Variants in RCOR1 observed in about 807,000 individuals in gnomAD.
RCOR1 encodes the protein REST corepressor.
A neutral mutation model predicts 64.0 loss-of-function variants in RCOR1; 12 were observed. The observed-to-expected ratio is 0.19, with a 90% CI of 0.12 to 0.30. RCOR1 has a LOEUF of 0.30. Among genes scored for constraint, RCOR1 ranks in the 10% least tolerant of loss-of-function variants. The pLI, the probability that RCOR1 is intolerant of heterozygous loss-of-function variation, is 1.00. For missense variants in RCOR1, 502 were observed against 621.2 expected, an observed-to-expected ratio of 0.81 and a Z score of 2.04; for synonymous variants, 279 against 227.2, an observed-to-expected ratio of 1.23 and a Z score of -2.05.
chr14:102,625,793 G>A lies in RCOR1; in HGVS notation c.361+32468G>A, dbSNP rs540520892. On this transcript the variant is annotated intron_variant, in intron 2 of 11. Transcript: ENST00000262241. ...GGAAGTAGGTAGTTTCTACCTTTCT[G>A]TTACGTAGTCTAGTATAATTTCTGT... is the stretch of plus-strand genomic sequence containing the variant. Among the ~76,000 whole-genome samples the A allele has an allele frequency of 1.2e-4, 19 of 152,242 alleles. No homozygotes were observed. The South Asian group carries it at 3.7e-3, about 30-fold the overall frequency.
chr14:102,690,692 C>T (rs917642099), intron 3 of RCOR1, among the ~76,000 whole-genome samples: 4 of 152,200 alleles, frequency 2.6e-5, no homozygotes, highest in African/African-American at 7.2e-5. Flanking sequence ...GTCACTATAT[C>T]AGAGAAGCCT....
chr14:102,609,799 T>G (rs1399578073), intron 2 of RCOR1, among the ~76,000 whole-genome samples: 4 of 151,640 alleles, frequency 2.6e-5, no homozygotes, highest in Non-Finnish European at 5.9e-5. Flanking sequence ...GATCCTTCCC[T>G]GTGGTGGAGG....
At position 102,728,341 on chromosome 14, in the gene RCOR1, C is replaced by CA. The variant is rs1555362069; in HGVS notation, c.*1839dup. 6.6e-6 allele frequency: 1 copy of CA among 151,950 alleles called. No homozygotes were observed. Among genetic ancestry groups the CA allele is most frequent in the Non-Finnish European group, 1.5e-5 (1 of 68,016 alleles). 9.4% of individuals were successfully genotyped at this position (151,950 alleles called of 1,614,324 possible). On this transcript the variant is annotated 3_prime_UTR_variant, in exon 12 of 12. Transcript: ENST00000262241. ...TGCTGCTACCTGGAGACAGGGTTAG[C>CA]AAAATAACACTAGTGATGAGGGAGA...
Position 102,722,297 on chromosome 14 carries a change from G to C in RCOR1, c.1300G>C (p.Asp434His), listed in dbSNP as rs1343793849. Residue 434 changes from aspartate to histidine, a missense_variant, in exon 11 of 12, where the codon GAT (aspartate) becomes CAT (histidine). Asp to His is a moderately conservative substitution (Grantham distance 81). Transcript: ENST00000262241. Reference sequence around the variant, plus strand: ...AAATTATCGACGCCGCTTCAACATAGATGAAGTTTTACAAGAATGGGAGGC... The same window carrying C: ...AAATTATCGACGCCGCTTCAACATACATGAAGTTTTACAAGAATGGGAGGC... ...FVNYRRRFNI[D>H]EVLQEWEAEH... The C allele has an allele frequency of 6.2e-7, 1 of 1,614,166 alleles. No individual in the cohort carries two copies. Among genetic ancestry groups the C allele is most frequent in the Non-Finnish European group, 8.5e-7 (1 of 1,180,020 alleles).
intron 3 of RCOR1, among the ~76,000 whole-genome samples, chr14:102,698,344 A>G (rs8010455): frequency 0.2 from 29,739 of 152,204 alleles, 3,173 homozygotes; most frequent in East Asian, 0.38. Flanking sequence ...CCCAAGAACC[A>G]CAGGCAGGAC....
intron 2 of RCOR1, among the ~76,000 whole-genome samples, chr14:102,674,666 G>A (rs1038942417): frequency 6.6e-6 from 1 of 152,212 alleles, no homozygotes; most frequent in South Asian, 2.1e-4. Context: ...CTAGCCGTGT[G>A]AATAAACCTT....
At chr14:102,707,206 G>A (rs1895875352) in intron 4 of RCOR1, 145 bp from the exon 5 acceptor site, 5 of 562,582 alleles carry the variant, frequency 8.9e-6, no homozygotes, top group Admixed American at 7.2e-5. Context: ...AGAAAAAGGG[G>A]CCTCTGACAG....
rs375657741 is a variant in RCOR1, at chr14:102,597,124, C to T, written c.361+3799C>T. Among the ~76,000 whole-genome samples, 10 of 144,696 alleles carry T rather than the reference C, an allele frequency of 6.9e-5. No individual in the cohort carries two copies. The East Asian group carries it at 1.7e-3, about 24-fold the overall frequency. The allele number at this position is 144,696 out of a possible 152,430, so 94.9% of individuals were successfully genotyped here. ...CTGACCTCAGGTGATCTGCCCCCCT[C>T]GGCCTCCCAAAGTGCTGGGATTACA... On this transcript the variant is annotated intron_variant, in intron 2 of 11. Coordinates refer to ENST00000262241, the MANE Select transcript of RCOR1 (RefSeq NM_015156.4).
intron 2 of RCOR1, among the ~76,000 whole-genome samples, chr14:102,615,151 T>TTTTTTTGG (rs1893731448): frequency 7.1e-6 from 1 of 140,392 alleles, no homozygotes; most frequent in Non-Finnish European, 1.6e-5. Flanking sequence ...CACCTTTTTT[T>TTTTTTTGG]GAGACAGAGT....
At chr14:102,640,712 C>T (rs541267333) in intron 2 of RCOR1, among the ~76,000 whole-genome samples, 6 of 152,338 alleles carry the variant, frequency 3.9e-5, no homozygotes, top group East Asian at 1.9e-4. Flanking sequence ...CGTTGGCTCA[C>T]GCCTGTAATT....
chr14:102,596,104 A>AT lies in RCOR1; in HGVS notation c.361+2793dup, dbSNP rs776775021. On this transcript the variant is annotated intron_variant, in intron 2 of 11. Transcript: ENST00000262241. ...CATTTTGGAATAGAAATGATACAAC[A>AT]TTTTTTTTTTTTTTAATACGGAGTT... Among the ~76,000 whole-genome samples, 1,110 of 142,246 alleles carry AT rather than the reference A, an allele frequency of 7.8e-3. 11 individuals carry two copies. Among genetic ancestry groups the AT allele is most frequent in the African/African-American group, 0.025 (974 of 39,118 alleles). 93.3% of individuals were successfully genotyped at this position (142,246 alleles called of 152,430 possible).
rs1393720246 is a variant in RCOR1 at position 102,726,482 on chromosome 14, T to C, written c.1434T>C (p.Asp478=). ...CTTGGCCTCAGGCTCCTGTTCTGGA[T>C]GTCAGATATGCATCTGCCTCCTGAG... ...PEEEDEAPVL[D]VRYASAS is the part of the protein sequence containing the mutation. The change falls in exon 12 of 12, where the codon GAT becomes GAC. Residue 478 remains aspartate, a synonymous_variant. Coordinates refer to ENST00000262241, the MANE Select transcript of RCOR1 (RefSeq NM_015156.4). 1 of 1,600,906 alleles carries C rather than the reference T, an allele frequency of 6.2e-7. No individual in the cohort carries two copies. The highest frequency in any genetic ancestry group is 8.5e-7 in the Non-Finnish European group (1 of 1,178,118).
chr14:102,671,067 C>G (rs1170594390), intron 2 of RCOR1, among the ~76,000 whole-genome samples: 5 of 152,228 alleles, frequency 3.3e-5, no homozygotes, highest in Non-Finnish European at 7.3e-5. Flanking sequence ...AGCCACCGCA[C>G]CCAGCCCTAT....
At chr14:102,693,945 C>G (rs996229691) in intron 3 of RCOR1, among the ~76,000 whole-genome samples, 4 of 152,082 alleles carry the variant, frequency 2.6e-5, no homozygotes, top group Non-Finnish European at 4.4e-5. Flanking sequence ...CCCGTCTTGG[C>G]TTATCAAAGT....
rs762005657 is a variant in RCOR1, at chr14:102,593,128, A to ACAG, written c.251_253dup (p.Ser84dup). 2.6e-6 allele frequency: 4 copies of ACAG among 1,520,404 alleles called. No homozygotes were observed. Among genetic ancestry groups the ACAG allele is most frequent in the Admixed American group, 2.2e-5 (1 of 44,994 alleles). The allele number at this position is 1,520,404 out of a possible 1,614,324, so 94.2% of individuals were successfully genotyped here. A position where few individuals can be genotyped will look rare whatever the true frequency, so the allele number is the denominator to read the frequency against. On this transcript the variant is annotated inframe_insertion, in exon 1 of 12. Transcript: ENST00000262241. ...TTGGCGGCGGCGGCGCCCAATGGCA[A>ACAG]CAGCAGCAGCAACTCCTGGGAGGAA... is the stretch of plus-strand genomic sequence containing the variant.
chr14:102,688,971 C>T (rs1895476432), intron 3 of RCOR1, among the ~76,000 whole-genome samples: 1 of 152,186 alleles, frequency 6.6e-6, no homozygotes, highest in African/African-American at 2.4e-5. Context: ...CCCTACCCAC[C>T]AGCTTTAGGA....
At chr14:102,642,514 G>A (rs1276989044) in intron 2 of RCOR1, among the ~76,000 whole-genome samples, 1 of 152,144 alleles carries the variant, frequency 6.6e-6, no homozygotes, top group African/African-American at 2.4e-5. Flanking sequence ...CCGATTTGAT[G>A]ATAATACTAA....
intron 11 of RCOR1, among the ~76,000 whole-genome samples, chr14:102,725,294 A>T (rs1260920421): frequency 1.3e-5 from 2 of 152,234 alleles, no homozygotes; most frequent in African/African-American, 2.4e-5. Context: ...TGCATGGCCC[A>T]GTTGTTTCTC....
chr14:102,684,142 C>A (rs1895365037), intron 3 of RCOR1, among the ~76,000 whole-genome samples: 1 of 152,214 alleles, frequency 6.6e-6, no homozygotes, highest in African/African-American at 2.4e-5. Context: ...CCCCAGCACC[C>A]CTGCCCCCAA....
Sources: gnomAD v4.1 joint callset for allele counts (sites outside exome capture counted in the v4.1 genomes callset) on GRCh38, gnomAD v4.1.1 for gene constraint, MANE v1.5 for transcripts, NCBI Gene and HGNC (gene_info 2026-07-23, HGNC 2026-07-21) for gene names.